TBC1D22A: variants seen among roughly 807,000 people sequenced by gnomAD.
The protein encoded by TBC1D22A is putative GTPase activator.
Under a neutral mutation model 60.2 loss-of-function variants are expected in TBC1D22A, and 38 were observed. The observed-to-expected ratio is 0.63, with a 90% confidence interval of 0.49 to 0.83. TBC1D22A has a LOEUF of 0.83. TBC1D22A is among the 40% of genes least tolerant of loss of function. The pLI is 0.00. For missense variants in TBC1D22A, 628 were observed against 701.0 expected, an observed-to-expected ratio of 0.90 and a Z score of 1.18; for synonymous variants, 302 against 281.7, an observed-to-expected ratio of 1.07 and a Z score of -0.72.
intron 12 of TBC1D22A, among the ~76,000 whole-genome samples, chr22:47,170,273 TAG>T (rs2068381001): frequency 6.6e-6 from 1 of 152,142 alleles, no homozygotes; most frequent in East Asian, 1.9e-4. Context: ...GAGTGTGCAG[TAG>T]AGTCGGTGAG....
chr22:46,934,372 C>T (rs1467462879), intron 8 of TBC1D22A, among the ~76,000 whole-genome samples: 5 of 152,190 alleles, frequency 3.3e-5, no homozygotes, highest in East Asian at 1.9e-4. Flanking sequence ...GTGTGTGGTA[C>T]GCGTGGGCAC....
chr22:47,084,498 CG>C (rs1458440512), intron 11 of TBC1D22A, among the ~76,000 whole-genome samples: 1 of 152,158 alleles, frequency 6.6e-6, no homozygotes, highest in Non-Finnish European at 1.5e-5. Flanking sequence ...CTGTGCTTAA[CG>C]AGCCCTCCAG....
At position 47,028,082 on chromosome 22, in the gene TBC1D22A, C is replaced by G. The variant is rs551613772; in HGVS notation, c.1202-8989C>G. Among the ~76,000 whole-genome samples the G allele has an allele frequency of 1.3e-5, 2 of 152,096 alleles. No individual in the cohort carries two copies. The highest frequency in any genetic ancestry group is 4.8e-5 in the African/African-American group (2 of 41,430). ...TTTTGGAGGGGTGTGCTGAGTAGCT[C>G]GTGTGCACGTCTGTGAGGTGAAAAT... On this transcript the variant is annotated intron_variant, in intron 10 of 12. Coordinates refer to ENST00000337137, the MANE Select transcript of TBC1D22A (RefSeq NM_014346.5). The surrounding 1 kb of genome is among the most constrained non-coding windows in gnomAD (Gnocchi z 4.4).
intron 12 of TBC1D22A, among the ~76,000 whole-genome samples, chr22:47,143,449 A>G (rs908998322): frequency 6.6e-6 from 1 of 152,256 alleles, no homozygotes; most frequent in African/African-American, 2.4e-5. Flanking sequence ...TGGCTAGCTA[A>G]TGAGTTTTGA....
At chr22:46,859,994 C>T (rs1255303260) in intron 4 of TBC1D22A, among the ~76,000 whole-genome samples, 4 of 21,002 alleles carry the variant, frequency 1.9e-4, no homozygotes, top group Admixed American at 4.2e-4. Context: ...AATCCTTTTC[C>T]ATAGAGGTCC....
At chr22:46,941,405 AATATATATACGGAATATACACGGAAT>A (rs1272539339) in intron 8 of TBC1D22A, among the ~76,000 whole-genome samples, 1 of 104,280 alleles carries the variant, frequency 9.6e-6, no homozygotes, top group Non-Finnish European at 2.0e-5. Context: ...ATATACACAG[AATATATATACGGAATATACACGGAAT>A]ATATATACAC....
intron 12 of TBC1D22A, among the ~76,000 whole-genome samples, chr22:47,162,469 T>C (rs1002094026): frequency 6.6e-6 from 1 of 152,218 alleles, no homozygotes; most frequent in African/African-American, 2.4e-5. Flanking sequence ...GCCTCCTGCA[T>C]AGCCCAGGGA....
intron 8 of TBC1D22A, among the ~76,000 whole-genome samples, chr22:46,952,315 C>T (rs1039034186): frequency 6.6e-6 from 1 of 151,912 alleles, no homozygotes; most frequent in Non-Finnish European, 1.5e-5. Context: ...CCTCCTCTGC[C>T]TGGGCTGTTG....
intron 12 of TBC1D22A, among the ~76,000 whole-genome samples, chr22:47,164,585 G>A (rs1051704597): frequency 2.6e-5 from 4 of 152,224 alleles, no homozygotes; most frequent in African/African-American, 9.6e-5. Flanking sequence ...GGGTTCCTGG[G>A]CCTGTTTCCT....
At chr22:46,970,943 G>A (rs2074023918) in intron 8 of TBC1D22A, among the ~76,000 whole-genome samples, 1 of 152,110 alleles carries the variant, frequency 6.6e-6, no homozygotes, top group Non-Finnish European at 1.5e-5. Flanking sequence ...AGCTTGTCCT[G>A]GCCCTCACCC....
chr22:47,125,113 C>T (rs1489557294), intron 12 of TBC1D22A, among the ~76,000 whole-genome samples: 1 of 152,104 alleles, frequency 6.6e-6, no homozygotes, highest in Non-Finnish European at 1.5e-5. Flanking sequence ...GGGCAGCGCC[C>T]TCCAGAGACC....
At chr22:46,836,075 G>A (rs1034343201) in intron 4 of TBC1D22A, among the ~76,000 whole-genome samples, 8 of 152,138 alleles carry the variant, frequency 5.3e-5, no homozygotes, top group African/African-American at 1.7e-4. Context: ...ACTATGAAAG[G>A]GAGTTAAATT....
chr22:46,767,036 G>A (rs949306435), intron 1 of TBC1D22A, among the ~76,000 whole-genome samples: 1 of 152,132 alleles, frequency 6.6e-6, no homozygotes, highest in Non-Finnish European at 1.5e-5. Context: ...CTATCTCCTC[G>A]ATTAGCCTGG....
Position 46,792,405 on chromosome 22 carries a change from A to ACT in TBC1D22A, c.63-115_63-114insCT. On this transcript the variant is annotated intron_variant, in intron 1 of 12. Transcript: ENST00000337137. ...GGGGGGCCTGCGACAGCCCATGAGG[A>ACT]GCTGCTTCCTTCAGTCCTGTGGGTT... The ACT allele has an allele frequency of 6.4e-6, 9 of 1,417,152 alleles. 1 individual carries two copies. The South Asian group carries it at 1.0e-4, about 17-fold the overall frequency. 87.8% of individuals were successfully genotyped at this position (1,417,152 alleles called of 1,614,324 possible).
At chr22:47,048,123 G>A (rs901028250) in intron 11 of TBC1D22A, among the ~76,000 whole-genome samples, 11 of 152,204 alleles carry the variant, frequency 7.2e-5, no homozygotes, top group South Asian at 4.1e-4. Context: ...CTGCATTTGC[G>A]GTTCCTGGGA....
chr22:47,044,453 G>T (rs552948783), intron 11 of TBC1D22A, among the ~76,000 whole-genome samples: 10 of 152,208 alleles, frequency 6.6e-5, no homozygotes, highest in South Asian at 4.1e-4. Context: ...GCTCTGCCTC[G>T]TGTGCCAGGC....
At chr22:47,010,384 G>GT (rs1173284497) in intron 10 of TBC1D22A, among the ~76,000 whole-genome samples, 1 of 152,226 alleles carries the variant, frequency 6.6e-6, no homozygotes, top group African/African-American at 2.4e-5. Context: ...AGAGCTGAGC[G>GT]TTTGAAATGA....
chr22:46,940,981 GTATGTATGTATATA>G (rs2071985631), intron 8 of TBC1D22A, among the ~76,000 whole-genome samples: 1 of 88,542 alleles, frequency 1.1e-5, no homozygotes. Context: ...ATATATATAT[GTATGTATGTATATA>G]TACACACATA....
At chr22:46,823,008 C>A (rs1012135186) in intron 4 of TBC1D22A, among the ~76,000 whole-genome samples, 3 of 152,172 alleles carry the variant, frequency 2.0e-5, no homozygotes, top group Non-Finnish European at 4.4e-5. Flanking sequence ...GCAAGAGAGT[C>A]GGTGCTGGGA....
Sources: allele counts gnomAD v4.1 joint callset (sites outside exome capture counted in the v4.1 genomes callset), GRCh38; gene constraint gnomAD v4.1.1; non-coding constraint Gnocchi (gnomAD v3.1); transcripts MANE v1.5; gene names NCBI Gene and HGNC (gene_info 2026-07-23, HGNC 2026-07-21).